The following RIMKLB variants were observed in gnomAD, a reference collection of about 807,000 sequenced individuals.
RIMKLB encodes beta-citrylglutamate synthase B.
RIMKLB carries 7 observed loss-of-function variants against 32.0 expected under a neutral mutation model. That is an observed-to-expected ratio of 0.22 (90% CI 0.12 to 0.41). RIMKLB has a LOEUF of 0.41. Ranked by LOEUF, RIMKLB falls within the 10% of genes least tolerant of loss-of-function variation. The pLI is 1.00. For synonymous variants in RIMKLB, 172 were observed against 185.1 expected, an observed-to-expected ratio of 0.93 and a Z score of 0.57; for missense variants, 289 against 498.7, an observed-to-expected ratio of 0.58 and a Z score of 4.00.
chr12:8,715,554 T>G (rs975201157), intron 2 of RIMKLB, among the ~76,000 whole-genome samples: 3 of 152,170 alleles, frequency 2.0e-5, no homozygotes, highest in African/African-American at 7.2e-5. Context: ...AGTTACTGCC[T>G]TTATCAGGAT....
At chr12:8,765,650 TCTC>T (rs1949897642) in intron 5 of RIMKLB, among the ~76,000 whole-genome samples, 1 of 152,140 alleles carries the variant, frequency 6.6e-6, no homozygotes, top group Non-Finnish European at 1.5e-5. Context: ...TGGGCCGAAT[TCTC>T]CTCCTCGCAC....
At position 8,776,772 on chromosome 12, in the gene RIMKLB, T is replaced by C. The variant is rs1950752306; in HGVS notation, c.*2988T>C. The C allele has an allele frequency of 4.1e-6, 4 of 985,446 alleles. No individual in the cohort carries two copies. The highest frequency in any genetic ancestry group is 4.8e-6 in the Non-Finnish European group (4 of 829,854). The allele number at this position is 985,446 out of a possible 1,614,324, so 61.0% of individuals were successfully genotyped here. ...CTGTATATGTTACCAATAAGAAAAC[T>C]ACCCTGGAACAGTAGAAAAACCCAA... On this transcript the variant is annotated 3_prime_UTR_variant, in exon 6 of 6. Transcript: ENST00000535829.
chr12:8,753,640 T>A (rs769853619), intron 4 of RIMKLB, among the ~76,000 whole-genome samples: 1 of 152,346 alleles, frequency 6.6e-6, no homozygotes, highest in Admixed American at 6.5e-5. Flanking sequence ...GACCCCTGCC[T>A]CAGCATATAT....
chr12:8,782,871 T>A (rs1951180456), intron 7 of RIMKLB: 1 of 152,220 alleles, frequency 6.6e-6, no homozygotes, highest in African/African-American at 2.4e-5. Context: ...TAGAGACTTT[T>A]AAAATCTATG....
intron 2 of RIMKLB, among the ~76,000 whole-genome samples, chr12:8,722,166 A>G (rs1945508045): frequency 6.6e-6 from 1 of 151,852 alleles, no homozygotes; most frequent in Non-Finnish European, 1.5e-5. Context: ...TATGTCTTAA[A>G]TTATAAGATT....
rs531900677 is a variant in RIMKLB at position 8,775,114 on chromosome 12, C to G, written c.*1330C>G. 2 of 985,066 alleles carry G rather than the reference C, an allele frequency of 2.0e-6. No individual in the cohort carries two copies. Among genetic ancestry groups the G allele is most frequent in the Non-Finnish European group, 2.4e-6 (2 of 829,732 alleles). The allele number at this position is 985,066 out of a possible 1,614,324, so 61.0% of individuals were successfully genotyped here. ...TATATGTACGTTGTTTGTTTTTTTC[C>G]TTTTGTTTCTAGCCTGTTCAGTGTA... is the stretch of plus-strand genomic sequence containing the variant. On this transcript the variant is annotated 3_prime_UTR_variant, in exon 6 of 6. Coordinates refer to ENST00000535829, the MANE Select transcript of RIMKLB (RefSeq NM_001297776.2).
chr12:8,743,224 C>T (rs961636614), intron 2 of RIMKLB, among the ~76,000 whole-genome samples: 1 of 151,360 alleles, frequency 6.6e-6, no homozygotes, highest in Non-Finnish European at 1.5e-5. Flanking sequence ...TGTGGTGATG[C>T]TCGCCTGTAA....
chr12:8,768,165 T>C (rs570284547), intron 5 of RIMKLB, among the ~76,000 whole-genome samples: 3 of 152,328 alleles, frequency 2.0e-5, no homozygotes, highest in African/African-American at 7.2e-5. Context: ...CAGCGACTAC[T>C]GTTCAGCTCG....
chr12:8,756,801 C>T lies in RIMKLB; in HGVS notation c.697+2708C>T, dbSNP rs1448925496. Among the ~76,000 whole-genome samples, 10 of 144,958 alleles carry T rather than the reference C, an allele frequency of 6.9e-5. No individual in the cohort carries two copies. In the East Asian group the frequency reaches 1.7e-3, roughly 25 times the overall value. The stretch of plus-strand genomic sequence containing the variant: ...CTGCCTCCCAGGTTCAAGCAATTCT[C>T]GTGCCTCAGCCTCCTGAGTAGCTGG... On this transcript the variant is annotated intron_variant, in intron 5 of 5. Transcript: ENST00000535829.
chr12:8,776,036 T>G lies in RIMKLB; in HGVS notation c.*2252T>G. ...CTGCTTAATTAAATTATCATTCATA[T>G]GTTCATATAGAGACCATCTGGTTGC... On this transcript the variant is annotated 3_prime_UTR_variant, in exon 6 of 6. Transcript: ENST00000535829. 2.0e-6 allele frequency: 2 copies of G among 984,228 alleles called. No individual in the cohort carries two copies. The highest frequency in any genetic ancestry group is 2.4e-6 in the Non-Finnish European group (2 of 828,812). The allele number at this position is 984,228 out of a possible 1,614,324, so 61.0% of individuals were successfully genotyped here.
At chr12:8,699,550 A>T (rs1191325644) in intron 1 of RIMKLB, among the ~76,000 whole-genome samples, 1 of 152,192 alleles carries the variant, frequency 6.6e-6, no homozygotes, top group Non-Finnish European at 1.5e-5. Flanking sequence ...AAAAATAATC[A>T]TAGTTAAATT....
At chr12:8,723,246 C>G (rs1402907839) in intron 2 of RIMKLB, among the ~76,000 whole-genome samples, 1 of 152,054 alleles carries the variant, frequency 6.6e-6, no homozygotes, top group African/African-American at 2.4e-5. Flanking sequence ...ATTAACTGGC[C>G]TAATTTCAAT....
chr12:8,683,264 T>C lies in RIMKLB; in HGVS notation n.219+1446T>C, dbSNP rs563384940. On this transcript the variant is annotated intron_variant and non_coding_transcript_variant, in intron 1 of 1. Transcript: ENST00000538758. ...TGTGGGCACTAAGTTTCCTCTCCTA[T>C]GGATGAATACCAAGGAGTATGATTG... Among the ~76,000 whole-genome samples the C allele has an allele frequency of 2.6e-3, 395 of 152,322 alleles. 1 individual carries two copies. The highest frequency in any genetic ancestry group is 6.8e-3 in the Middle Eastern group (2 of 294).
At chr12:8,696,866 G>A (rs1942908820), upstream of RIMKLB, among the ~76,000 whole-genome samples, 1 of 152,168 alleles carries the variant, frequency 6.6e-6, no homozygotes, top group African/African-American at 2.4e-5. Flanking sequence ...AAGGCAAACT[G>A]GTGAGCACAT....
At chr12:8,707,498 G>A (rs1943999638) in intron 1 of RIMKLB, among the ~76,000 whole-genome samples, 4 of 152,320 alleles carry the variant, frequency 2.6e-5, no homozygotes, top group Non-Finnish European at 5.9e-5. Flanking sequence ...CTATCTGGAA[G>A]CATTTTGAGC....
chr12:8,760,212 C>T (rs781307957), intron 5 of RIMKLB, among the ~76,000 whole-genome samples: 11 of 152,058 alleles, frequency 7.2e-5, no homozygotes, highest in South Asian at 2.1e-4. Context: ...TTTGTCCTTG[C>T]GATAGTTTGC....
intron 5 of RIMKLB, among the ~76,000 whole-genome samples, chr12:8,769,098 C>A (rs1950201201): frequency 6.6e-6 from 1 of 152,096 alleles, no homozygotes; most frequent in Non-Finnish European, 1.5e-5. Context: ...TAATACAAAG[C>A]ATTTTTCTCT....
downstream of RIMKLB, chr12:8,778,959 TAAG>T (rs1950889019): frequency 6.6e-6 from 1 of 152,264 alleles, no homozygotes; most frequent in Admixed American, 6.5e-5. Context: ...TTGACTCTTA[TAAG>T]GACAGTCATT....
chr12:8,715,621 C>G (rs1188314690), intron 2 of RIMKLB, among the ~76,000 whole-genome samples: 1 of 152,094 alleles, frequency 6.6e-6, no homozygotes, highest in African/African-American at 2.4e-5. Flanking sequence ...CTGCCTGGGT[C>G]CAATACCTAG....
Sources: gnomAD v4.1 joint callset for allele counts (sites outside exome capture counted in the v4.1 genomes callset) on GRCh38, gnomAD v4.1.1 for gene constraint, MANE v1.5 for transcripts, NCBI Gene and HGNC (gene_info 2026-07-23, HGNC 2026-07-21) for gene names.